The following CD36 variants were observed in gnomAD, a reference collection of about 807,000 sequenced individuals.
The protein encoded by CD36 is CD36 molecule (CD36 blood group).
Under a neutral mutation model 55.2 loss-of-function variants are expected in CD36, and 119 were observed. The observed-to-expected ratio is 2.15, with a 90% CI of 1.86 to 2.51. The LOEUF is 2.51. Ranked by LOEUF, CD36 falls within the 30% of genes most tolerant of loss-of-function variation. The pLI, the probability that CD36 is intolerant of heterozygous loss-of-function variation, is 0.00. For missense variants in CD36, 819 were observed against 555.5 expected, an observed-to-expected ratio of 1.47 and a Z score of -4.77; for synonymous variants, 186 against 193.6, an observed-to-expected ratio of 0.96 and a Z score of 0.33.
At chr7:80,657,362 T>G (rs1796172668) in intron 4 of CD36, among the ~76,000 whole-genome samples, 1 of 152,220 alleles carries the variant, frequency 6.6e-6, no homozygotes, top group Non-Finnish European at 1.5e-5. Flanking sequence ...AACTTCTGGG[T>G]CATATAGATG....
At position 80,632,328 on chromosome 7, in the gene CD36, AT is replaced by A. The variant is rs552008744; in HGVS notation, c.-183-13755del. ...TTATTTCCTGTGTTTCTTTTAAATT[AT>A]TTTTGTATGCTTCTTAGAAACTTCA... On this transcript the variant is annotated intron_variant, in intron 1 of 13. Coordinates refer to the CD36 transcript ENST00000309881. 2.3e-4 allele frequency among the ~76,000 whole-genome samples: 35 copies of A among 151,466 alleles called. No homozygotes were observed. In the South Asian group the frequency reaches 7.3e-3, roughly 32 times the overall value.
chr7:80,664,805 A>G (rs1334177298), intron 7 of CD36, among the ~76,000 whole-genome samples: 2 of 151,428 alleles, frequency 1.3e-5, no homozygotes, highest in Non-Finnish European at 2.9e-5. Flanking sequence ...CTTATCCAGC[A>G]TTACAGTATA....
rs139146312 is a variant in CD36 at position 80,612,885 on chromosome 7, T to A, written c.-184+10506T>A. Among the ~76,000 whole-genome samples the A allele has an allele frequency of 6.7e-3, 1,027 of 152,264 alleles. 16 individuals are homozygous for A. The highest frequency in any genetic ancestry group is 0.023 in the African/African-American group (973 of 41,582). On this transcript the variant is annotated intron_variant, in intron 1 of 13. Transcript: ENST00000309881. ...ATATCCACTAAGCATTTTTTAAGAA[T>A]TCAGATAAACTTTCATCATAAGCTT...
In CD36 at chr7:80,678,268, A is replaced by C. The variant is rs1378986849; in HGVS notation, c.*1885A>C. On this transcript the variant is annotated 3_prime_UTR_variant, in exon 15 of 15. Transcript: ENST00000447544. ...GAATTTATATGTTTTAGTCATAGAAAAATTGTACCCTTTGATAGAAGCACA... is the reference window on the plus strand; with the variant it reads ...GAATTTATATGTTTTAGTCATAGAACAATTGTACCCTTTGATAGAAGCACA... The C allele has an allele frequency of 6.6e-6, 1 of 152,190 alleles. No individual in the cohort carries two copies. Among genetic ancestry groups the C allele is most frequent in the African/African-American group, 2.4e-5 (1 of 41,444 alleles). The allele number at this position is 152,190 out of a possible 1,614,324, so 9.4% of individuals were successfully genotyped here. A position where few individuals can be genotyped will look rare whatever the true frequency, so the allele number is the denominator to read the frequency against.
At chr7:80,641,570 A>G (rs1211846289) in intron 1 of CD36, among the ~76,000 whole-genome samples, 2 of 152,188 alleles carry the variant, frequency 1.3e-5, no homozygotes, top group South Asian at 2.1e-4. Flanking sequence ...TAGAAAAAAA[A>G]GAAATTTTAG....
chr7:80,660,340 T>C lies in CD36; in HGVS notation c.282-723T>C, dbSNP rs3211889. ...GGCTGGGGAAGTTAGTCTATAACCC[T>C]TAAAAATGGAAATTATATTCTTATC... On this transcript the variant is annotated intron_variant, in intron 4 of 14. Transcript: ENST00000447544. 4.8e-3 allele frequency among the ~76,000 whole-genome samples: 734 copies of C among 152,258 alleles called. 7 individuals carry two copies. Among genetic ancestry groups the C allele is most frequent in the African/African-American group, 0.017 (691 of 41,560 alleles).
chr7:80,611,058 C>T (rs904334718), intron 1 of CD36, among the ~76,000 whole-genome samples: 1 of 151,956 alleles, frequency 6.6e-6, no homozygotes, highest in Non-Finnish European at 1.5e-5. Flanking sequence ...GTGGTTGTTT[C>T]TTTCTGTAGA....
intron 7 of CD36, 97 bp from the exon 8 acceptor site, chr7:80,666,346 C>A: frequency 1.2e-6 from 1 of 800,668 alleles, no homozygotes; most frequent in Non-Finnish European, 2.1e-6. Flanking sequence ...TTAAATGCAT[C>A]ATATTAACAG....
intron 12 of CD36, 145 bp from the exon 13 acceptor site, chr7:80,673,210 A>AACAACTATATT (rs1480595010): frequency 5.6e-6 from 3 of 536,496 alleles, no homozygotes; most frequent in Non-Finnish European, 9.9e-6. Flanking sequence ...GGAAGTCAAA[A>AACAACTATATT]ACAACTATAT....
chr7:80,656,889 T>C (rs1366334745), intron 4 of CD36, among the ~76,000 whole-genome samples, 189 bp downstream of exon 4: 1 of 152,066 alleles, frequency 6.6e-6, no homozygotes, highest in African/African-American at 2.4e-5. Context: ...GGTATTTATT[T>C]TGAAAAAAGT....
At chr7:80,675,633 C>G (rs1584479881) in intron 14 of CD36, among the ~76,000 whole-genome samples, 1 of 152,014 alleles carries the variant, frequency 6.6e-6, no homozygotes, top group Middle Eastern at 3.4e-3. Flanking sequence ...CTGTTGATTA[C>G]TTGATTTACT....
rs372529585 is a variant in CD36 at position 80,671,001 on chromosome 7, C to T, written c.843C>T (p.Ser281=). ...GGTCAATCTATGCTGTATTTGAATC[C>T]GACGTTAATCTGAAAGGAATCCCTG... The part of the protein sequence containing the change: ...ICRSIYAVFE[S]DVNLKGIPVY... Residue 281 remains serine (S), a synonymous_variant, in exon 10 of 15, where the codon TCC becomes TCT. Coordinates refer to ENST00000447544, the MANE Select transcript of CD36 (RefSeq NM_001001548.3). The T allele has an allele frequency of 1.2e-5, 19 of 1,613,014 alleles. No individual in the cohort carries two copies. Among genetic ancestry groups the T allele is most frequent in the African/African-American group, 4.0e-5 (3 of 74,884 alleles).
intron 3 of CD36, 104 bp from the exon 4 acceptor site, chr7:80,656,436 G>A: frequency 4.1e-6 from 4 of 964,252 alleles, no homozygotes; most frequent in South Asian, 1.4e-5. Context: ...GAGGTACTTG[G>A]GCTTGGTCCT....
At chr7:80,646,977 A>T in intron 3 of CD36, 117 bp downstream of exon 3, 1 of 1,141,418 alleles carries the variant, frequency 8.8e-7, no homozygotes, top group South Asian at 1.3e-5. Flanking sequence ...TATCTTTGAC[A>T]TAAAGGTAAT....
Position 80,671,083 on chromosome 7 carries a change from A to T in CD36, c.925A>T (p.Asn309Tyr). The change falls in exon 10 of 15, where the codon AAC (asparagine) becomes TAC (tyrosine). Residue 309 changes from asparagine (N) to tyrosine (Y), a missense_variant. Asn to Tyr is a moderately radical substitution (Grantham distance 143). Coordinates refer to ENST00000447544, the MANE Select transcript of CD36 (RefSeq NM_001001548.3). ...TGCCTCTCCAGTTGAAAACCCAGAC[A>T]ACTATTGTTTCTGCACAGAAAAAAT... ...AFASPVENPD[N>Y]YCFCTEKIIS... 1 of 1,612,976 alleles carries T rather than the reference A, an allele frequency of 6.2e-7. No individual in the cohort carries two copies. Among genetic ancestry groups the T allele is most frequent in the Admixed American group, 1.7e-5 (1 of 59,990 alleles).
chr7:80,620,244 C>T (rs947985311), intron 1 of CD36, among the ~76,000 whole-genome samples: 1 of 152,066 alleles, frequency 6.6e-6, no homozygotes, highest in Admixed American at 6.5e-5. Context: ...ACACTATCTA[C>T]ATGGAAATAG....
intron 3 of CD36, among the ~76,000 whole-genome samples, chr7:80,655,240 A>T (rs1258934278): frequency 6.6e-6 from 1 of 152,198 alleles, no homozygotes; most frequent in African/African-American, 2.4e-5. Context: ...CCAATACTTC[A>T]TTAGAAATAC....
chr7:80,677,867 T>C lies in CD36; in HGVS notation c.*1484T>C, dbSNP rs924873404. On this transcript the variant is annotated 3_prime_UTR_variant, in exon 15 of 15. Transcript: ENST00000447544. ...AATACAGGGATGATCTCATAGCATT[T>C]AGATATCAGAAAAGGTTTTGACCTA... The C allele has an allele frequency of 2.6e-5, 4 of 152,198 alleles. No individual in the cohort carries two copies. The highest frequency in any genetic ancestry group is 2.6e-4 in the Admixed American group (4 of 15,282). The allele number at this position is 152,198 out of a possible 1,614,324, so 9.4% of individuals were successfully genotyped here.
intron 7 of CD36, chr7:80,665,820 C>CTATT (rs1797031544): frequency 6.6e-6 from 1 of 152,022 alleles, no homozygotes; most frequent in South Asian, 2.1e-4. Flanking sequence ...TGCAGGGAAA[C>CTATT]TATTACTATT....
Sources: gnomAD v4.1 joint callset for allele counts (sites outside exome capture counted in the v4.1 genomes callset) on GRCh38, gnomAD v4.1.1 for gene constraint, MANE v1.5 for transcripts, NCBI Gene and HGNC (gene_info 2026-07-23, HGNC 2026-07-21) for gene names.